Variants in PDE11A observed in about 807,000 individuals in gnomAD.
PDE11A encodes dual 3',5'-cyclic-AMP and -GMP phosphodiesterase 11A.
A neutral mutation model predicts 100.5 loss-of-function variants in PDE11A; 100 were observed. The observed-to-expected ratio is 1.00, with a 90% CI of 0.85 to 1.18. The LOEUF (loss-of-function observed/expected upper bound fraction) is 1.18, where lower values mean the gene tolerates loss of function less well. Ranked by LOEUF, PDE11A falls within the 50% of genes most tolerant of loss-of-function variation. PDE11A has a pLI of 0.00. For synonymous variants in PDE11A, 381 were observed against 420.8 expected (o/e 0.91, Z 1.16); for missense variants, 1,141 against 1,152.6 (o/e 0.99, Z 0.15).
intron 1 of PDE11A, among the ~76,000 whole-genome samples, chr2:178,106,284 A>C (rs532579907): frequency 1.3e-4 from 20 of 152,364 alleles, no homozygotes; most frequent in African/African-American, 4.8e-4. Flanking sequence ...GTGGAAACCC[A>C]TAACAGTGTC....
intron 15 of PDE11A, among the ~76,000 whole-genome samples, chr2:177,686,133 A>C (rs1376651917): frequency 1.3e-5 from 2 of 152,228 alleles, no homozygotes; most frequent in African/African-American, 4.8e-5. Context: ...CTTCCTTCAC[A>C]GACAAAAGGA....
At chr2:178,045,539 G>C (rs576492237) in intron 1 of PDE11A, among the ~76,000 whole-genome samples, 11 of 152,170 alleles carry the variant, frequency 7.2e-5, no homozygotes, top group Non-Finnish European at 1.2e-4. Flanking sequence ...TGGTGGTTAA[G>C]AGTACAAACT....
At chr2:177,773,529 C>T (rs1479412443) in intron 9 of PDE11A, among the ~76,000 whole-genome samples, 1 of 152,218 alleles carries the variant, frequency 6.6e-6, no homozygotes, top group Non-Finnish European at 1.5e-5. Flanking sequence ...AGACCTAAAG[C>T]TTTTTTGGAT....
chr2:177,947,023 G>GT (rs2085447519), intron 2 of PDE11A, among the ~76,000 whole-genome samples: 3 of 71,518 alleles, frequency 4.2e-5, no homozygotes, highest in African/African-American at 1.7e-4. Context: ...GGGGGGGTCA[G>GT]CCCCCCGCCC....
At chr2:177,716,745 A>G (rs1427070788) in intron 12 of PDE11A, among the ~76,000 whole-genome samples, 2 of 152,236 alleles carry the variant, frequency 1.3e-5, no homozygotes, top group African/African-American at 4.8e-5. Context: ...TGGAAAAGCT[A>G]TTGACTAGAA....
chr2:177,919,407 A>C (rs1339550340), intron 2 of PDE11A, among the ~76,000 whole-genome samples: 1 of 152,128 alleles, frequency 6.6e-6, no homozygotes, highest in Non-Finnish European at 1.5e-5. Context: ...AGAAGATTTG[A>C]TATCTATACA....
At chr2:177,838,264 C>T (rs1287075721) in intron 6 of PDE11A, among the ~76,000 whole-genome samples, 1 of 152,160 alleles carries the variant, frequency 6.6e-6, no homozygotes, top group Non-Finnish European at 1.5e-5. Flanking sequence ...TCTTAAAGGG[C>T]TCCACCCAGA....
chr2:177,698,969 T>C (rs1476526864), intron 14 of PDE11A, among the ~76,000 whole-genome samples: 1 of 152,106 alleles, frequency 6.6e-6, no homozygotes, highest in Non-Finnish European at 1.5e-5. Context: ...AACACAGCAT[T>C]TAAGAGCAAG....
At chr2:177,718,495 T>C (rs1280585066) in intron 12 of PDE11A, among the ~76,000 whole-genome samples, 1 of 152,222 alleles carries the variant, frequency 6.6e-6, no homozygotes, top group Non-Finnish European at 1.5e-5. Flanking sequence ...AGGAAGAGAT[T>C]GATACTGCAG....
intron 5 of PDE11A, among the ~76,000 whole-genome samples, chr2:177,852,644 C>T (rs1287312753): frequency 6.6e-6 from 1 of 152,064 alleles, no homozygotes; most frequent in Non-Finnish European, 1.5e-5. Context: ...GTCTCGAACA[C>T]CCAGGACTTG....
At chr2:177,964,340 T>C (rs1274182277) in intron 2 of PDE11A, among the ~76,000 whole-genome samples, 3 of 152,216 alleles carry the variant, frequency 2.0e-5, no homozygotes, top group South Asian at 4.1e-4. Context: ...TTTAGCTATT[T>C]AGTTGATTAT....
chr2:177,933,991 T>A (rs1279670738), intron 2 of PDE11A, among the ~76,000 whole-genome samples: 1 of 152,162 alleles, frequency 6.6e-6, no homozygotes, highest in Admixed American at 6.5e-5. Context: ...CAAGATGGAT[T>A]AAAGATTTAA....
At chr2:177,873,081 C>T (rs1481197641) in intron 5 of PDE11A, among the ~76,000 whole-genome samples, 1 of 152,104 alleles carries the variant, frequency 6.6e-6, no homozygotes, top group Admixed American at 6.6e-5. Context: ...TTGCCAAGAG[C>T]AGTCTAGGTC....
chr2:177,869,418 C>T (rs1271608173), intron 5 of PDE11A, among the ~76,000 whole-genome samples: 2 of 152,132 alleles, frequency 1.3e-5, no homozygotes, highest in East Asian at 3.9e-4. Context: ...ACATTTGGCC[C>T]TGTCTATATT....
upstream of PDE11A, among the ~76,000 whole-genome samples, chr2:178,074,133 CAT>C (rs2087174035): frequency 6.6e-6 from 1 of 151,970 alleles, no homozygotes; most frequent in Admixed American, 6.5e-5. Flanking sequence ...CAAATGACCA[CAT>C]AGTGTAAAAT....
intron 5 of PDE11A, among the ~76,000 whole-genome samples, chr2:177,844,953 C>T (rs1297870608): frequency 3.3e-4 from 50 of 151,690 alleles, no homozygotes; most frequent in East Asian, 1.9e-4. Context: ...TACACAGACA[C>T]GGCAACCATC....
chr2:177,813,560 A>T (rs6739044), intron 9 of PDE11A, among the ~76,000 whole-genome samples: 61,636 of 151,890 alleles, frequency 0.41, 14,331 homozygotes, highest in African/African-American at 0.64. Flanking sequence ...TCCAGGGAAT[A>T]TATATGGAGA....
intron 2 of PDE11A, among the ~76,000 whole-genome samples, chr2:177,999,874 C>G (rs1413804499): frequency 6.6e-6 from 1 of 152,202 alleles, no homozygotes; most frequent in Non-Finnish European, 1.5e-5. Context: ...CTGGGTAGCT[C>G]TAACTTACAT....
intron 10 of PDE11A, among the ~76,000 whole-genome samples, chr2:177,730,867 C>T (rs1428718816): frequency 2.0e-5 from 3 of 152,196 alleles, no homozygotes; most frequent in Non-Finnish European, 2.9e-5. Context: ...ACTATATGCA[C>T]ATTGTCATAC....
Sources: gnomAD v4.1 joint callset for allele counts (sites outside exome capture counted in the v4.1 genomes callset) on GRCh38, gnomAD v4.1.1 for gene constraint, MANE v1.5 for transcripts, NCBI Gene and HGNC (gene_info 2026-07-23, HGNC 2026-07-21) for gene names.